The following NCKAP5 variants were observed in gnomAD, a reference collection of about 807,000 sequenced individuals.
The protein encoded by NCKAP5 is nck-associated protein 5.
NCKAP5 carries 92 observed loss-of-function variants against 167.0 expected under a neutral mutation model. The observed-to-expected ratio is 0.55, with a 90% CI of 0.47 to 0.66. The LOEUF (loss-of-function observed/expected upper bound fraction) is 0.66, where lower values mean the gene tolerates loss of function less well. Among genes scored for constraint, NCKAP5 ranks in the 30% least tolerant of loss-of-function variants. The pLI is 0.00. For synonymous variants in NCKAP5, 891 were observed against 877.4 expected, an observed-to-expected ratio of 1.02 and a Z score of -0.27; for missense variants, 2,378 against 2,315.0, an observed-to-expected ratio of 1.03 and a Z score of -0.56.
At chr2:133,130,451 A>G (rs1420300898) in intron 5 of NCKAP5, among the ~76,000 whole-genome samples, 1 of 152,228 alleles carries the variant, frequency 6.6e-6, no homozygotes, top group Admixed American at 6.5e-5. Context: ...AAGTCAGATA[A>G]TAATTAGTAA....
chr2:133,630,739 T>C, the NCKAP5 span, among the ~76,000 whole-genome samples: 4 of 152,176 alleles, frequency 2.6e-5, no homozygotes, highest in Non-Finnish European at 4.4e-5. Context: ...GTTTTCCCTG[T>C]TGTCCTAGAC....
chr2:132,858,441 A>G (rs1389226788), intron 11 of NCKAP5, among the ~76,000 whole-genome samples: 1 of 152,226 alleles, frequency 6.6e-6, no homozygotes, highest in African/African-American at 2.4e-5. Flanking sequence ...GGTGTAAAGC[A>G]AGTTTGGAAT....
At chr2:132,859,908 C>T (rs1318915078) in intron 11 of NCKAP5, among the ~76,000 whole-genome samples, 5 of 152,102 alleles carry the variant, frequency 3.3e-5, no homozygotes, top group African/African-American at 1.2e-4. Context: ...CAAATCGACT[C>T]AAATGGCTTG....
At chr2:132,908,114 T>C (rs1694151688) in intron 8 of NCKAP5, among the ~76,000 whole-genome samples, 1 of 152,228 alleles carries the variant, frequency 6.6e-6, no homozygotes, top group Non-Finnish European at 1.5e-5. Context: ...GATTTTCATT[T>C]CTGTAACCTT....
At chr2:133,430,364 G>A (rs1246969308) in intron 3 of NCKAP5, among the ~76,000 whole-genome samples, 3 of 152,082 alleles carry the variant, frequency 2.0e-5, no homozygotes, top group Admixed American at 6.6e-5. Flanking sequence ...CTGTACAGAA[G>A]CTCTTTAGTT....
At position 132,844,916 on chromosome 2, in the gene NCKAP5, T is replaced by C. The variant is rs897643494; in HGVS notation, c.807+15576A>G. Among the ~76,000 whole-genome samples the C allele has an allele frequency of 9.8e-5, 15 of 152,294 alleles. No homozygotes were observed. In the East Asian group the frequency reaches 1.2e-3, roughly 12 times the overall value. On this transcript the variant is annotated intron_variant, in intron 11 of 19. Coordinates refer to ENST00000409261, the MANE Select transcript of NCKAP5 (RefSeq NM_207363.3). The stretch of plus-strand genomic sequence containing the variant: ...GGTTTACATTTTCAACATTTGTGTA[T>C]GAGATTGTTTTTCTCCACCTTTGAG...
At chr2:132,895,226 G>GA (rs1383661096) in intron 8 of NCKAP5, among the ~76,000 whole-genome samples, 1 of 151,926 alleles carries the variant, frequency 6.6e-6, no homozygotes, top group Non-Finnish European at 1.5e-5. Context: ...AGCTACTCTG[G>GA]AGGCTGAGGC....
At chr2:133,271,728 ATT>A (rs1378841903) in intron 4 of NCKAP5, among the ~76,000 whole-genome samples, 1 of 152,208 alleles carries the variant, frequency 6.6e-6, no homozygotes, top group African/African-American at 2.4e-5. Flanking sequence ...TATAAAAGAC[ATT>A]TGGGACACGA....
chr2:133,049,699 AG>A (rs1040902794), intron 6 of NCKAP5, among the ~76,000 whole-genome samples: 62 of 152,288 alleles, frequency 4.1e-4, no homozygotes, highest in African/African-American at 1.3e-3. Flanking sequence ...AACCCAGCCA[AG>A]AGATTCCCAG....
chr2:133,031,577 G>A (rs1376588633), intron 6 of NCKAP5, among the ~76,000 whole-genome samples: 4 of 152,018 alleles, frequency 2.6e-5, no homozygotes, highest in Non-Finnish European at 5.9e-5. Flanking sequence ...TAGGCCCACA[G>A]ACAGTGGTCT....
chr2:132,829,015 G>A (rs981988576), intron 11 of NCKAP5, among the ~76,000 whole-genome samples: 9 of 152,176 alleles, frequency 5.9e-5, no homozygotes, highest in Middle Eastern at 3.2e-3. Flanking sequence ...CAAAGAAAAT[G>A]GGGATGGGAG....
At chr2:133,269,470 T>A (rs1033655289) in intron 4 of NCKAP5, among the ~76,000 whole-genome samples, 1 of 152,120 alleles carries the variant, frequency 6.6e-6, no homozygotes, top group Non-Finnish European at 1.5e-5. Context: ...AGGCAAGCCA[T>A]GCAAATATCT....
intron 4 of NCKAP5, among the ~76,000 whole-genome samples, chr2:133,218,462 T>G (rs1397663231): frequency 6.6e-6 from 1 of 152,122 alleles, no homozygotes; most frequent in Non-Finnish European, 1.5e-5. Flanking sequence ...GCAAATATCA[T>G]CTTAGTGTTA....
At chr2:133,660,685 G>C in the NCKAP5 span, among the ~76,000 whole-genome samples, 1 of 151,018 alleles carries the variant, frequency 6.6e-6, no homozygotes, top group African/African-American at 2.4e-5. Flanking sequence ...AACATTCGCT[G>C]GACGAAACAT....
At chr2:132,675,399 T>C (rs73955786) in intron 19 of NCKAP5, among the ~76,000 whole-genome samples, 1,747 of 152,278 alleles carry the variant, frequency 0.011, 38 homozygotes, top group African/African-American at 0.04. Flanking sequence ...TGGCAGACAG[T>C]AGTGGGTGTG....
the NCKAP5 span, among the ~76,000 whole-genome samples, chr2:133,668,423 T>C: frequency 6.6e-5 from 10 of 152,230 alleles, no homozygotes; most frequent in Non-Finnish European, 1.5e-4. Flanking sequence ...ATGAAGGTTC[T>C]AATTTCTTCA....
intron 5 of NCKAP5, among the ~76,000 whole-genome samples, chr2:133,208,787 T>C (rs771403638): frequency 9.2e-5 from 14 of 152,198 alleles, no homozygotes; most frequent in Admixed American, 5.9e-4. Context: ...TAGACTATAT[T>C]TGCAATTTTT....
chr2:133,080,783 G>A (rs571133869), intron 6 of NCKAP5, among the ~76,000 whole-genome samples: 22 of 152,136 alleles, frequency 1.4e-4, no homozygotes, highest in Admixed American at 5.2e-4. Context: ...AAAATTAGCC[G>A]AAAAAGGTAC....
chr2:133,057,171 C>G (rs778159453), intron 6 of NCKAP5, among the ~76,000 whole-genome samples: 1 of 152,146 alleles, frequency 6.6e-6, no homozygotes, highest in Admixed American at 6.5e-5. Flanking sequence ...ACCAATTGGT[C>G]ATTTCCCTGA....
Sources: allele counts gnomAD v4.1 joint callset (sites outside exome capture counted in the v4.1 genomes callset), GRCh38; gene constraint gnomAD v4.1.1; transcripts MANE v1.5; gene names NCBI Gene and HGNC (gene_info 2026-07-23, HGNC 2026-07-21).